USP46: variants seen among roughly 807,000 people sequenced by gnomAD.
USP46 encodes ubiquitin specific peptidase 46, also known as ubiquitin carboxyl-terminal hydrolase 46.
In USP46, 12 loss-of-function variants were observed where a neutral mutation model predicts 44.4. The observed-to-expected ratio is 0.27, with a 90% CI of 0.17 to 0.44. USP46 has a LOEUF of 0.44. Among genes scored for constraint, USP46 ranks in the 20% least tolerant of loss-of-function variants. The pLI is 1.00. For synonymous variants in USP46, 155 were observed against 161.5 expected (o/e 0.96, Z 0.31); for missense variants, 248 against 444.8 (o/e 0.56, Z 3.98).
chr4:52,646,104 G>C (rs976545012), intron 1 of USP46, among the ~76,000 whole-genome samples: 3 of 152,102 alleles, frequency 2.0e-5, no homozygotes, highest in African/African-American at 7.2e-5. Flanking sequence ...TGTGAGAATG[G>C]ACTAATATAG....
chr4:52,656,329 AAG>A, intron 1 of USP46: 1 of 1,551,220 alleles, frequency 6.4e-7, no homozygotes, highest in Non-Finnish European at 8.7e-7. Flanking sequence ...AAAGAATCTA[AAG>A]AGAGGTCCAG....
Position 52,591,396 on chromosome 4 carries a change from C to T in USP46, c.*6244G>A, listed in dbSNP as rs982906644. On this transcript the variant is annotated 3_prime_UTR_variant, in exon 9 of 9. Transcript: ENST00000441222. Reference sequence around the variant, plus strand: ...TGCTGAGAGGAAGTAAGAACAGAATCAGACTGCAGTCTACAACACAAGTGC... The same window carrying T: ...TGCTGAGAGGAAGTAAGAACAGAATTAGACTGCAGTCTACAACACAAGTGC... 1 of 152,182 alleles carries T rather than the reference C, an allele frequency of 6.6e-6. No individual in the cohort carries two copies. The highest frequency in any genetic ancestry group is 2.4e-5 in the African/African-American group (1 of 41,450). The allele number at this position is 152,182 out of a possible 1,614,324, so 9.4% of individuals were successfully genotyped here. A position where few individuals can be genotyped will look rare whatever the true frequency, so the allele number is the denominator to read the frequency against.
In USP46 at chr4:52,650,260, C is replaced by T. The variant is rs140844468; in HGVS notation, c.36+8855G>A. ...ATGGTTAAGTCAAAGAATCCTGTTACAGAGCAGTCAGAATGAATAAACTCG... is the reference window on the plus strand; with the variant it reads ...ATGGTTAAGTCAAAGAATCCTGTTATAGAGCAGTCAGAATGAATAAACTCG... On this transcript the variant is annotated intron_variant, in intron 1 of 8. Transcript: ENST00000441222. Among the ~76,000 whole-genome samples the T allele has an allele frequency of 1.4e-3, 207 of 152,326 alleles. 3 individuals are homozygous for T. In the East Asian group the frequency reaches 0.021, roughly 16 times the overall value.
At chr4:52,622,049 A>G (rs1034471944) in intron 4 of USP46, among the ~76,000 whole-genome samples, 2 of 152,218 alleles carry the variant, frequency 1.3e-5, no homozygotes, top group Non-Finnish European at 2.9e-5. Flanking sequence ...AGCCATAAAC[A>G]TGCAGAACTA....
At chr4:52,608,991 T>C (rs1716809852) in intron 5 of USP46, among the ~76,000 whole-genome samples, 1 of 152,124 alleles carries the variant, frequency 6.6e-6, no homozygotes, top group Admixed American at 6.5e-5. Flanking sequence ...TAAGATAAAC[T>C]TCACATAGTT....
intron 1 of USP46, among the ~76,000 whole-genome samples, chr4:52,638,627 AATATAT>A (rs1319455784): frequency 1.4e-5 from 2 of 147,854 alleles, no homozygotes; most frequent in Non-Finnish European, 3.0e-5. Context: ...TTATATATAT[AATATAT>A]ATAATTTTAT....
At chr4:52,624,726 C>T (rs77859833) in intron 4 of USP46, among the ~76,000 whole-genome samples, 2,511 of 152,200 alleles carry the variant, frequency 0.016, 65 homozygotes, top group African/African-American at 0.056. Context: ...TGGAGATGGG[C>T]CTCTGGGAGG....
Position 52,594,042 on chromosome 4 carries a change from A to G in USP46, c.*3598T>C, listed in dbSNP as rs1483577875. 1.3e-5 allele frequency: 2 copies of G among 152,196 alleles called. No homozygotes were observed. Among genetic ancestry groups the G allele is most frequent in the Non-Finnish European group, 2.9e-5 (2 of 68,030 alleles). The allele number at this position is 152,196 out of a possible 1,614,324, so 9.4% of individuals were successfully genotyped here. ...TATTATAATGATCAGAATGTTCTGT[A>G]CATTTCCACTGCTTCAAAATTGTTT... On this transcript the variant is annotated 3_prime_UTR_variant, in exon 9 of 9. Coordinates refer to ENST00000441222, the MANE Select transcript of USP46 (RefSeq NM_022832.4).
chr4:52,601,609 T>C (rs1397003882), intron 7 of USP46, among the ~76,000 whole-genome samples: 1 of 152,260 alleles, frequency 6.6e-6, no homozygotes, highest in African/African-American at 2.4e-5. Context: ...ACCATCGTTT[T>C]CATGCAATGG....
At chr4:52,599,389 A>T (rs1372558471) in intron 7 of USP46, among the ~76,000 whole-genome samples, 3 of 152,028 alleles carry the variant, frequency 2.0e-5, no homozygotes, top group African/African-American at 2.4e-5. Context: ...AAGAGCAGAG[A>T]GGCCAAAGGA....
In USP46 at chr4:52,626,256, GAGA is replaced by G. The variant is rs1434090395; in HGVS notation, c.332-12_332-10del. 2 of 1,602,154 alleles carry G rather than the reference GAGA, an allele frequency of 1.2e-6. No homozygotes were observed. Among genetic ancestry groups the G allele is most frequent in the Non-Finnish European group, 1.7e-6 (2 of 1,174,222 alleles). ...GTAGTTATCAAAGAGATCTGGAAAG[GAGA>G]AGGTGGTTATTTCAGTCTCTGGTTC... On this transcript the variant is annotated splice_polypyrimidine_tract_variant and intron_variant, in intron 3 of 8. Transcript: ENST00000441222.
intron 5 of USP46, among the ~76,000 whole-genome samples, chr4:52,605,708 A>C (rs572684776): frequency 6.6e-6 from 1 of 152,296 alleles, no homozygotes; most frequent in South Asian, 2.1e-4. Flanking sequence ...ACCACTGACA[A>C]CATGAAATGA....
chr4:52,607,901 G>A (rs1716756630), intron 5 of USP46, among the ~76,000 whole-genome samples: 1 of 152,174 alleles, frequency 6.6e-6, no homozygotes, highest in African/African-American at 2.4e-5. Context: ...AGAACAATGA[G>A]CCAATTAAAC....
intron 7 of USP46, among the ~76,000 whole-genome samples, chr4:52,601,363 T>C (rs536425331): frequency 6.6e-4 from 100 of 152,360 alleles, no homozygotes; most frequent in African/African-American, 2.4e-3. Context: ...TTTCTGATTA[T>C]ATACTTATTA....
rs1716243274 is a variant in USP46, at chr4:52,596,411, CAA to C, written c.*1227_*1228del. The C allele has an allele frequency of 1.3e-5, 2 of 152,210 alleles. No individual in the cohort carries two copies. 9.4% of individuals were successfully genotyped at this position (152,210 alleles called of 1,614,324 possible). On this transcript the variant is annotated 3_prime_UTR_variant, in exon 9 of 9. Transcript: ENST00000441222. ...AATGCTCTAATAAATACATATATAA[CAA>C]AAGTGAAAAAAGTAACTATAGTGAG...
chr4:52,647,646 C>T (rs1369906083), intron 1 of USP46, among the ~76,000 whole-genome samples: 1 of 152,214 alleles, frequency 6.6e-6, no homozygotes, highest in Non-Finnish European at 1.5e-5. Flanking sequence ...AGCTTGGCCA[C>T]ACACCACCAG....
intron 6 of USP46, among the ~76,000 whole-genome samples, chr4:52,602,388 C>G (rs1403237689): frequency 1.3e-5 from 2 of 152,072 alleles, no homozygotes; most frequent in African/African-American, 4.8e-5. Flanking sequence ...GACAATCTAC[C>G]CCCTGAGATG....
intron 5 of USP46, among the ~76,000 whole-genome samples, chr4:52,609,894 A>ATTTTTTTTTTT (rs1423146190): frequency 4.8e-5 from 1 of 20,644 alleles, no homozygotes; most frequent in Non-Finnish European, 1.2e-4. Context: ...CCTCAATTCT[A>ATTTTTTTTTTT]TTTCTTTTTT....
At chr4:52,656,506 G>T in intron 1 of USP46, 3 of 1,436,850 alleles carry the variant, frequency 2.1e-6, no homozygotes, top group East Asian at 5.0e-5. Flanking sequence ...ATACATGGGA[G>T]GTGTTTATAT....
Sources: gnomAD v4.1 joint callset for allele counts (sites outside exome capture counted in the v4.1 genomes callset) on GRCh38, gnomAD v4.1.1 for gene constraint, MANE v1.5 for transcripts, NCBI Gene and HGNC (gene_info 2026-07-23, HGNC 2026-07-21) for gene names.